Variants in NSD1 observed in about 807,000 individuals in gnomAD.
The protein encoded by NSD1 is nuclear receptor binding SET domain protein 1, also known as histone-lysine N-methyltransferase, H3 lysine-36 specific.
A neutral mutation model predicts 242.7 loss-of-function variants in NSD1; 26 were observed. The ratio of observed to expected loss-of-function variants is 0.11; its 90% CI spans 0.08 to 0.15. The LOEUF (loss-of-function observed/expected upper bound fraction) is 0.15. NSD1 is among the 10% of genes least tolerant of loss of function. The probability of loss-of-function intolerance (pLI) is 1.00; values close to 1 mark genes in which losing one functional copy is unlikely to be tolerated. For synonymous variants in NSD1, 1,106 were observed against 1,178.1 expected, an observed-to-expected ratio of 0.94 and a Z score of 1.25; for missense variants, 2,495 against 3,272.8, an observed-to-expected ratio of 0.76 and a Z score of 5.80.
At chr5:177,239,905 G>A in intron 8 of NSD1, 40 bp downstream of exon 8, 1 of 1,268,632 alleles carries the variant, frequency 7.9e-7, no homozygotes, top group Non-Finnish European at 1.1e-6. Context: ...ATAAACTCAG[G>A]AAATGAGAAA....
intron 2 of NSD1, among the ~76,000 whole-genome samples, chr5:177,141,319 CTTTTTTTTTTTT>C (rs567992731): frequency 1.9e-4 from 18 of 97,034 alleles, no homozygotes; most frequent in South Asian, 3.1e-4. Context: ...CGCGCGCAGC[CTTTTTTTTTTTT>C]TTTTTTTTTT....
chr5:177,168,832 T>C (rs940591489), intron 2 of NSD1, among the ~76,000 whole-genome samples: 2 of 152,194 alleles, frequency 1.3e-5, no homozygotes, highest in African/African-American at 4.8e-5. Flanking sequence ...ATTTTCTGCA[T>C]CCTGCTGGTT....
At chr5:177,183,831 C>T (rs1387956307) in intron 2 of NSD1, among the ~76,000 whole-genome samples, 1 of 152,096 alleles carries the variant, frequency 6.6e-6, no homozygotes, top group Non-Finnish European at 1.5e-5. Context: ...TGTTGTCTAT[C>T]AGCATGAGTT....
chr5:177,191,840 AT>A, intron 2 of NSD1, 43 bp from the exon 3 acceptor site: 2 of 1,606,980 alleles, frequency 1.2e-6, no homozygotes, highest in South Asian at 2.2e-5. Context: ...ATGTTTCAAA[AT>A]ATTTTGATTC....
At position 177,295,057 on chromosome 5, in the gene NSD1, T is replaced by C; in HGVS notation, c.7689T>C (p.Ala2563=). The C allele has an allele frequency of 6.2e-7, 1 of 1,613,384 alleles. No individual in the cohort carries two copies. The highest frequency in any genetic ancestry group is 1.7e-4 in the Middle Eastern group (1 of 6,048). Residue 2563 remains alanine, a synonymous_variant, in exon 23 of 23, where the codon GCT becomes GCC. Transcript: ENST00000439151. The surrounding 1 kb of genome is among the most constrained non-coding windows in gnomAD (Gnocchi z 4.3). ...TQASGRASAG[A]EQTPGPLSQS... Reference sequence around the variant, plus strand: ...CCTCAGGAAGAGCTTCTGCAGGGGCTGAGCAGACCCCAGGGCCTCTTAGCC... The same window carrying C: ...CCTCAGGAAGAGCTTCTGCAGGGGCCGAGCAGACCCCAGGGCCTCTTAGCC...
At chr5:177,163,955 C>CT (rs957327250) in intron 2 of NSD1, among the ~76,000 whole-genome samples, 1 of 151,892 alleles carries the variant, frequency 6.6e-6, no homozygotes, top group African/African-American at 2.4e-5. Flanking sequence ...GGATTCTTGT[C>CT]TTTTTGTAAA....
intron 18 of NSD1, among the ~76,000 whole-genome samples, chr5:177,281,653 T>A (rs575459538): frequency 5.5e-4 from 83 of 152,206 alleles, no homozygotes; most frequent in African/African-American, 2.0e-3. Context: ...ATATTATATT[T>A]TATTTTATTT....
intron 4 of NSD1, among the ~76,000 whole-genome samples, chr5:177,207,407 C>T (rs909189751): frequency 5.9e-5 from 9 of 151,522 alleles, no homozygotes; most frequent in African/African-American, 1.5e-4. Context: ...CTCAGCCTCC[C>T]GAGTAGCTGG....
chr5:177,275,719 C>T (rs1758329724), intron 17 of NSD1, among the ~76,000 whole-genome samples: 1 of 151,466 alleles, frequency 6.6e-6, no homozygotes. Flanking sequence ...AGGCGTGAGC[C>T]ACTGCGCCCG....
rs527382992 is a variant in NSD1 at position 177,215,333 on chromosome 5, C to T, written c.3796+3138C>T. Among the ~76,000 whole-genome samples, 5 of 151,534 alleles carry T rather than the reference C, an allele frequency of 3.3e-5. No individual in the cohort carries two copies. The South Asian group carries it at 6.3e-4, about 19-fold the overall frequency. Reference sequence around the variant, plus strand: ...CTGGGATTACAGGCATATACCACCACGCCTAGCTAACTTTGTATTTTTAGT... The same window carrying T: ...CTGGGATTACAGGCATATACCACCATGCCTAGCTAACTTTGTATTTTTAGT... On this transcript the variant is annotated intron_variant, in intron 5 of 22. Transcript: ENST00000439151.
intron 2 of NSD1, among the ~76,000 whole-genome samples, chr5:177,175,971 G>A (rs553218780): frequency 2.6e-5 from 4 of 152,142 alleles, no homozygotes; most frequent in South Asian, 4.2e-4. Context: ...TGCCTCCTGG[G>A]TTCAAGTGAT....
intron 3 of NSD1, among the ~76,000 whole-genome samples, chr5:177,201,001 A>AT (rs1279427305): frequency 6.6e-6 from 1 of 150,692 alleles, no homozygotes; most frequent in Non-Finnish European, 1.5e-5. Context: ...GGTTCAAGTG[A>AT]TTCTCTTGCC....
intron 2 of NSD1, among the ~76,000 whole-genome samples, chr5:177,140,146 A>G (rs1211081205): frequency 6.6e-6 from 1 of 152,170 alleles, no homozygotes; most frequent in Non-Finnish European, 1.5e-5. Context: ...CTCTGCATAC[A>G]GTGAAGTGAT....
At chr5:177,278,503 A>C (rs1484631720) in intron 17 of NSD1, among the ~76,000 whole-genome samples, 1 of 152,226 alleles carries the variant, frequency 6.6e-6, no homozygotes, top group African/African-American at 2.4e-5. Context: ...GGCAAATAAT[A>C]AAATGCAAGA....
chr5:177,140,120 C>T (rs189371531), intron 2 of NSD1, among the ~76,000 whole-genome samples: 1 of 152,312 alleles, frequency 6.6e-6, no homozygotes, highest in East Asian at 1.9e-4. Flanking sequence ...AGTTTACCAT[C>T]ATGTGCTCTT....
chr5:177,174,106 C>T (rs1413127287), intron 2 of NSD1, among the ~76,000 whole-genome samples: 1 of 151,908 alleles, frequency 6.6e-6, no homozygotes, highest in Non-Finnish European at 1.5e-5. Context: ...GTGGCTCACG[C>T]CTGTAATCCC....
intron 2 of NSD1, among the ~76,000 whole-genome samples, chr5:177,188,635 T>G (rs915125915): frequency 5.9e-5 from 9 of 152,324 alleles, no homozygotes; most frequent in Middle Eastern, 3.4e-3. Flanking sequence ...TCTGTTATCT[T>G]TAAGATATGA....
chr5:177,131,998 A>G (rs982664005), upstream of NSD1, among the ~76,000 whole-genome samples: 1 of 152,136 alleles, frequency 6.6e-6, no homozygotes, highest in Admixed American at 6.5e-5. Context: ...GAAGGGCCCG[A>G]GGGGCTGGAG....
intron 12 of NSD1, among the ~76,000 whole-genome samples, chr5:177,252,569 T>TTTTTA (rs1205352797): frequency 2.1e-5 from 2 of 93,590 alleles, no homozygotes; most frequent in East Asian, 3.1e-4. Flanking sequence ...TTTTTTTTTT[T>TTTTTA]AATAAGAGAT....
Sources: allele counts gnomAD v4.1 joint callset (sites outside exome capture counted in the v4.1 genomes callset), GRCh38; gene constraint gnomAD v4.1.1; non-coding constraint Gnocchi (gnomAD v3.1); transcripts MANE v1.5; gene names NCBI Gene and HGNC (gene_info 2026-07-23, HGNC 2026-07-21).